PDZD9: variants seen among roughly 807,000 people sequenced by gnomAD.
PDZD9 encodes PDZ domain containing 9.
Under a neutral mutation model 16.3 loss-of-function variants are expected in PDZD9, and 13 were observed. That is an observed-to-expected ratio of 0.80 (90% CI 0.52 to 1.27). The LOEUF is 1.27. Ranked by LOEUF, PDZD9 falls within the 50% of genes most tolerant of loss-of-function variation. PDZD9 has a pLI of 0.00. For synonymous variants in PDZD9, 120 were observed against 111.0 expected (o/e 1.08, Z -0.51); for missense variants, 288 against 310.9 (o/e 0.93, Z 0.55).
chr16:21,984,491 T>C lies in PDZD9; in HGVS notation c.571A>G (p.Lys191Glu). 1 of 1,610,826 alleles carries C rather than the reference T, an allele frequency of 6.2e-7. No homozygotes were observed. The highest frequency in any genetic ancestry group is 8.5e-7 in the Non-Finnish European group (1 of 1,177,174). Residue 191 changes from lysine to glutamate, a missense_variant, in exon 4 of 4, where the codon AAG becomes GAG. Lys to Glu is a moderately conservative substitution (Grantham distance 56). Coordinates refer to ENST00000424898, the MANE Select transcript of PDZD9 (RefSeq NM_001363519.1). The part of the protein sequence containing the change: ...SISRDWHGYK[K>E]KNHTISVGKD... ...CCTACACTAATAGTATGGTTCTTCTTCTTATATCCATGCCAGTCTCTGGAG... is the reference window on the plus strand; with the variant it reads ...CCTACACTAATAGTATGGTTCTTCTCCTTATATCCATGCCAGTCTCTGGAG...
chr16:21,965,836 T>G, the PDZD9 span, among the ~76,000 whole-genome samples: 1 of 152,128 alleles, frequency 6.6e-6, no homozygotes. Flanking sequence ...CCGTTTTCTG[T>G]GTGTATGTAT....
chr16:21,968,684 T>G, the PDZD9 span: 3 of 1,608,892 alleles, frequency 1.9e-6, no homozygotes, highest in Non-Finnish European at 2.5e-6. Context: ...TGATTGGACT[T>G]GGTAAGTTTA....
the PDZD9 span, chr16:21,976,039 A>C: frequency 1.6e-6 from 1 of 614,914 alleles, no homozygotes. Flanking sequence ...AGCATTCCGC[A>C]TGGACACTGT....
At chr16:21,976,065 C>A in the PDZD9 span, 2 of 735,220 alleles carry the variant, frequency 2.7e-6, no homozygotes, top group East Asian at 5.3e-5. Flanking sequence ...TTGTCTGGAA[C>A]TAACCTTCCA....
chr16:21,976,191 G>A, the PDZD9 span: 1 of 1,613,996 alleles, frequency 6.2e-7, no homozygotes, highest in Non-Finnish European at 8.5e-7. Context: ...CTATAATCAA[G>A]TAAAAACAAT....
At chr16:21,963,424 T>G in the PDZD9 span, among the ~76,000 whole-genome samples, 1 of 152,156 alleles carries the variant, frequency 6.6e-6, no homozygotes, top group South Asian at 2.1e-4. Context: ...GTTTGTAAGA[T>G]CCTAGAAGTT....
intron 2 of PDZD9, among the ~76,000 whole-genome samples, chr16:21,989,664 T>C (rs549144480): frequency 3.9e-5 from 6 of 152,300 alleles, no homozygotes; most frequent in Admixed American, 3.3e-4. Context: ...ATGCTTTAAC[T>C]GTAAGATGTG....
At chr16:21,965,554 G>A in the PDZD9 span, 1 of 1,378,496 alleles carries the variant, frequency 7.3e-7, no homozygotes, top group African/African-American at 1.5e-5. Context: ...ACATTAAATT[G>A]AACATCTCCC....
At position 21,999,180 on chromosome 16, in the gene PDZD9, C is replaced by T. The variant is rs78464026; in HGVS notation, c.31+1837G>A. On this transcript the variant is annotated intron_variant, in intron 1 of 3. Transcript: ENST00000424898. Reference sequence around the variant, plus strand: ...ATTTTATGTGTTTTAGGCAAAGGCTCTTCACACAGTGCATGCTCAGGATGA... The same window carrying T: ...ATTTTATGTGTTTTAGGCAAAGGCTTTTCACACAGTGCATGCTCAGGATGA... The T allele has an allele frequency of 1.2e-3, 195 of 168,540 alleles. 3 individuals are homozygous for T. The East Asian group carries it at 0.028, about 24-fold the overall frequency. The allele number at this position is 168,540 out of a possible 1,614,324, so 10.4% of individuals were successfully genotyped here. A position where few individuals can be genotyped will look rare whatever the true frequency, so the allele number is the denominator to read the frequency against.
rs1460107311 is a variant in PDZD9 at position 22,001,054 on chromosome 16, G to T, written c.-7C>A. ...TGTGGGAGGCCTTCTGCATGGTCCC[G>T]GGAGGTCAGGCAGCCCGGGAGGGCC... On this transcript the variant is annotated 5_prime_UTR_variant, in exon 1 of 4. Transcript: ENST00000424898. 6.6e-7 allele frequency: 1 copy of T among 1,526,468 alleles called. No homozygotes were observed. The highest frequency in any genetic ancestry group is 8.7e-7 in the Non-Finnish European group (1 of 1,142,876). 94.6% of individuals were successfully genotyped at this position (1,526,468 alleles called of 1,614,324 possible).
chr16:21,990,586 T>C (rs1898998059), intron 2 of PDZD9, among the ~76,000 whole-genome samples: 1 of 152,204 alleles, frequency 6.6e-6, no homozygotes, highest in Admixed American at 6.5e-5. Flanking sequence ...GAAACAAGGC[T>C]ACCTGCAGCT....
chr16:21,983,181 A>G, downstream of PDZD9: 2 of 1,612,210 alleles, frequency 1.2e-6, no homozygotes, highest in African/African-American at 1.3e-5. Context: ...ATACTGATGC[A>G]CACATTACAG....
the PDZD9 span, among the ~76,000 whole-genome samples, chr16:21,967,367 C>T: frequency 1.7e-4 from 26 of 152,040 alleles, no homozygotes; most frequent in African/African-American, 6.3e-4. Flanking sequence ...TTTTTCTAAA[C>T]CTCTTACTTT....
At chr16:21,973,871 A>G in the PDZD9 span, 2 of 1,604,818 alleles carry the variant, frequency 1.2e-6, no homozygotes, top group South Asian at 1.1e-5. Flanking sequence ...AGAATATCAT[A>G]CAGTAAAGTC....
the PDZD9 span, chr16:21,976,290 TTG>T: frequency 1.4e-6 from 2 of 1,455,202 alleles, no homozygotes; most frequent in African/African-American, 2.8e-5. Flanking sequence ...TATTTGAAAG[TTG>T]TATTCTTTTC....
At chr16:21,978,062 G>GTAAC in the PDZD9 span, among the ~76,000 whole-genome samples, 1 of 152,170 alleles carries the variant, frequency 6.6e-6, no homozygotes, top group Non-Finnish European at 1.5e-5. Context: ...CTTAATAAGT[G>GTAAC]TAACACAGTT....
the PDZD9 span, chr16:21,976,821 A>G: frequency 6.6e-6 from 1 of 152,206 alleles, no homozygotes. Flanking sequence ...GACAAAAATG[A>G]TCTCTGATTT....
At chr16:22,000,112 G>C (rs1039151667) in intron 1 of PDZD9, among the ~76,000 whole-genome samples, 1 of 152,290 alleles carries the variant, frequency 6.6e-6, no homozygotes, top group Admixed American at 6.5e-5. Flanking sequence ...GCTGATGCAG[G>C]AGGATTGCTT....
the PDZD9 span, chr16:21,962,810 C>G: frequency 1.2e-6 from 2 of 1,614,094 alleles, no homozygotes; most frequent in Non-Finnish European, 1.7e-6. Context: ...ACCAGAATTT[C>G]GTCGTTGGGA....
Sources: gnomAD v4.1 joint callset for allele counts (sites outside exome capture counted in the v4.1 genomes callset) on GRCh38, gnomAD v4.1.1 for gene constraint, MANE v1.5 for transcripts, NCBI Gene and HGNC (gene_info 2026-07-23, HGNC 2026-07-21) for gene names.